The following FRMD3 variants were observed in gnomAD, a reference collection of about 807,000 sequenced individuals.
The protein encoded by FRMD3 is FERM domain containing 3.
In FRMD3, 33 loss-of-function variants were observed where a neutral mutation model predicts 70.2. The observed-to-expected ratio is 0.47, with a 90% CI of 0.36 to 0.63. The LOEUF is 0.63. FRMD3 is among the 20% of genes least tolerant of loss of function. FRMD3 has a pLI of 0.00. For synonymous variants in FRMD3, 279 were observed against 255.9 expected (o/e 1.09, Z -0.86); for missense variants, 632 against 711.4 (o/e 0.89, Z 1.27).
intron 1 of FRMD3, among the ~76,000 whole-genome samples, chr9:83,443,543 A>G (rs1395466177): frequency 6.6e-6 from 1 of 152,168 alleles, no homozygotes; most frequent in Non-Finnish European, 1.5e-5. Context: ...TCTGTCATTG[A>G]TGGACATTTG....
chr9:83,356,271 A>ATTTTTTTTTTTTTTTTTTTT lies in FRMD3; in HGVS notation c.296-6534_296-6515dup, dbSNP rs869149609. On this transcript the variant is annotated intron_variant, in intron 3 of 13. Coordinates refer to ENST00000304195, the MANE Select transcript of FRMD3 (RefSeq NM_174938.6). ...TGAGAGAGAAGCATCACTCAGCAGC[A>ATTTTTTTTTTTTTTTTTTTT]TTTTTTTTTTTTTTTTTTTTTTTTG... Among the ~76,000 whole-genome samples the ATTTTTTTTTTTTTTTTTTTT allele has an allele frequency of 2.3e-4, 22 of 94,436 alleles. 2 individuals are homozygous for ATTTTTTTTTTTTTTTTTTTT. Among genetic ancestry groups the ATTTTTTTTTTTTTTTTTTTT allele is most frequent in the African/African-American group, 9.7e-4 (21 of 21,632 alleles). The allele number at this position is 94,436 out of a possible 152,430, so 62.0% of individuals were successfully genotyped here. A position where few individuals can be genotyped will look rare whatever the true frequency, so the allele number is the denominator to read the frequency against.
chr9:83,417,509 A>G (rs1040813331), intron 1 of FRMD3, among the ~76,000 whole-genome samples: 15 of 152,130 alleles, frequency 9.9e-5, no homozygotes, highest in Admixed American at 7.2e-4. Flanking sequence ...ATATTTTCCT[A>G]TGTTTCCTAT....
chr9:83,458,586 C>T (rs1432170091), intron 1 of FRMD3, among the ~76,000 whole-genome samples: 1 of 152,212 alleles, frequency 6.6e-6, no homozygotes. Flanking sequence ...AAATGAGCTT[C>T]CTTCCACATC....
chr9:83,371,558 G>T (rs930058922), intron 3 of FRMD3, among the ~76,000 whole-genome samples: 11 of 152,312 alleles, frequency 7.2e-5, no homozygotes, highest in African/African-American at 2.6e-4. Flanking sequence ...CTCCTGATCC[G>T]CCTGCCTCAC....
intron 13 of FRMD3, among the ~76,000 whole-genome samples, chr9:83,290,372 T>C (rs1834370447): frequency 1.3e-5 from 2 of 151,946 alleles, no homozygotes; most frequent in African/African-American, 4.8e-5. Flanking sequence ...TTTTCATATA[T>C]AATTTTAGAA....
intron 6 of FRMD3, among the ~76,000 whole-genome samples, chr9:83,319,901 CT>C (rs1835727339): frequency 6.6e-6 from 1 of 152,208 alleles, no homozygotes. Flanking sequence ...ATCAAATAAA[CT>C]TCTTTCTTTT....
intron 1 of FRMD3, among the ~76,000 whole-genome samples, chr9:83,412,204 C>A (rs12684510): frequency 6.6e-6 from 1 of 152,094 alleles, no homozygotes; most frequent in East Asian, 1.9e-4. Context: ...GCTATTCATA[C>A]GTGTTGTTGT....
Position 83,246,091 on chromosome 9 carries a change from A to T in FRMD3, c.*1827T>A, listed in dbSNP as rs1025789883. ...TTTCAAAACTCATTTCCAAAATTAA[A>T]TGTCCAGTGAAGTACTCAGAGCTCC... On this transcript the variant is annotated 3_prime_UTR_variant, in exon 14 of 14. Coordinates refer to ENST00000304195, the MANE Select transcript of FRMD3 (RefSeq NM_174938.6). 9 of 985,214 alleles carry T rather than the reference A, an allele frequency of 9.1e-6. No homozygotes were observed. In the African/African-American group the frequency reaches 1.6e-4, roughly 17 times the overall value. The allele number at this position is 985,214 out of a possible 1,614,324, so 61.0% of individuals were successfully genotyped here. A position where few individuals can be genotyped will look rare whatever the true frequency, so the allele number is the denominator to read the frequency against.
intron 6 of FRMD3, among the ~76,000 whole-genome samples, chr9:83,331,097 T>C (rs1836240994): frequency 1.3e-5 from 2 of 152,222 alleles, no homozygotes; most frequent in Non-Finnish European, 2.9e-5. Flanking sequence ...AATCATGGTG[T>C]TTGGTATTTA....
rs149163941 is a variant in FRMD3, at chr9:83,394,267, C to A, written c.148-4559G>T. ...GTATGGCAGGATACTTGGCATAATT[C>A]TGGGCATCTCAAAAGGCAAATTCTC... On this transcript the variant is annotated intron_variant, in intron 1 of 13. Transcript: ENST00000304195. 1.6e-3 allele frequency among the ~76,000 whole-genome samples: 246 copies of A among 152,224 alleles called. 1 individual carries two copies. Among genetic ancestry groups the A allele is most frequent in the African/African-American group, 5.6e-3 (232 of 41,546 alleles).
At position 83,248,106 on chromosome 9, in the gene FRMD3, G is replaced by A. The variant is rs1206171934; in HGVS notation, c.1606C>T (p.Leu536=). 1 of 1,614,180 alleles carries A rather than the reference G, an allele frequency of 6.2e-7. No individual in the cohort carries two copies. Among genetic ancestry groups the A allele is most frequent in the Non-Finnish European group, 8.5e-7 (1 of 1,180,034 alleles). ...GGAAATACAAAGAGCAGCAGTCCCAGGCCCACCACAAGGAGCCTGGAAAAA... is the reference window on the plus strand; with the variant it reads ...GGAAATACAAAGAGCAGCAGTCCCAAGCCCACCACAAGGAGCCTGGAAAAA... ...KSFSRLLVVG[L]GLLLFVFPLL... Residue 536 remains leucine, a synonymous_variant, in exon 14 of 14, where the codon CTG becomes TTG. Coordinates refer to ENST00000304195, the MANE Select transcript of FRMD3 (RefSeq NM_174938.6).
At chr9:83,287,694 T>A (rs879441889) in intron 13 of FRMD3, among the ~76,000 whole-genome samples, 5 of 152,202 alleles carry the variant, frequency 3.3e-5, no homozygotes, top group Non-Finnish European at 5.9e-5. Context: ...TCTCTCCCAT[T>A]TATTCCTTAG....
chr9:83,510,980 G>A (rs1023213785), intron 1 of FRMD3, among the ~76,000 whole-genome samples: 2 of 152,154 alleles, frequency 1.3e-5, no homozygotes, highest in Non-Finnish European at 2.9e-5. Flanking sequence ...AACCACCGTG[G>A]AATTATACAC....
chr9:83,519,403 A>G (rs1829522969), intron 1 of FRMD3, among the ~76,000 whole-genome samples: 1 of 152,232 alleles, frequency 6.6e-6, no homozygotes, highest in African/African-American at 2.4e-5. Flanking sequence ...GCTCATCATC[A>G]CTGGTCATTA....
chr9:83,540,705 T>G (rs964000536), upstream of FRMD3, among the ~76,000 whole-genome samples: 5 of 152,198 alleles, frequency 3.3e-5, no homozygotes, highest in Non-Finnish European at 7.3e-5. Flanking sequence ...ACTCAAGGGA[T>G]GAGTTTAAAA....
At chr9:83,523,602 C>G (rs1829627076) in intron 1 of FRMD3, among the ~76,000 whole-genome samples, 1 of 152,152 alleles carries the variant, frequency 6.6e-6, no homozygotes, top group Non-Finnish European at 1.5e-5. Flanking sequence ...TTCCCTTTCT[C>G]TATGGAGGTA....
intron 1 of FRMD3, among the ~76,000 whole-genome samples, chr9:83,416,745 G>GTCTCTCTGTCTCTC (rs1554702036): frequency 4.9e-5 from 5 of 102,234 alleles, no homozygotes; most frequent in African/African-American, 1.9e-4. Context: ...ATTTCTCTCT[G>GTCTCTCTGTCTCTC]TCTCTCTCTC....
the FRMD3 span, among the ~76,000 whole-genome samples, chr9:83,566,834 C>T: frequency 2.7e-4 from 41 of 152,320 alleles, no homozygotes; most frequent in African/African-American, 9.9e-4. Flanking sequence ...CAGGGTACAG[C>T]CTCCCACCCG....
Position 83,335,615 on chromosome 9 carries a change from T to C in FRMD3, c.497A>G (p.Asp166Gly). Reference protein sequence around the residue: ...VQAELGDYDPDEHPENYISEF... With the variant: ...VQAELGDYDPGEHPENYISEF... ...ACTGATGTAATTCTCAGGATGCTCA[T>C]CAGGATCGTAATCACCAAGCTCAGC... Residue 166 changes from aspartate (D) to glycine (G), a missense_variant, in exon 6 of 14, where the codon GAT becomes GGT. Transcript: ENST00000304195. 3.1e-6 allele frequency: 5 copies of C among 1,613,356 alleles called. No homozygotes were observed. Among genetic ancestry groups the C allele is most frequent in the Non-Finnish European group, 4.2e-6 (5 of 1,179,496 alleles).
Sources: gnomAD v4.1 joint callset for allele counts (sites outside exome capture counted in the v4.1 genomes callset) on GRCh38, gnomAD v4.1.1 for gene constraint, MANE v1.5 for transcripts, NCBI Gene and HGNC (gene_info 2026-07-23, HGNC 2026-07-21) for gene names.